LDLRAD4: variants seen among roughly 807,000 people sequenced by gnomAD.
The protein encoded by LDLRAD4 is low-density lipoprotein receptor class A domain-containing protein 4.
A neutral mutation model predicts 17.0 loss-of-function variants in LDLRAD4; 5 were observed. The observed-to-expected ratio is 0.29, with a 90% CI of 0.15 to 0.62. The LOEUF is 0.62. Among genes scored for constraint, LDLRAD4 ranks in the 20% least tolerant of loss-of-function variants. The pLI is 0.84. For missense variants in LDLRAD4, 340 were observed against 424.7 expected, an observed-to-expected ratio of 0.80 and a Z score of 1.75; for synonymous variants, 168 against 171.8, an observed-to-expected ratio of 0.98 and a Z score of 0.17.
chr18:13,537,189 T>A (rs1056674101), intron 3 of LDLRAD4, among the ~76,000 whole-genome samples: 1 of 152,240 alleles, frequency 6.6e-6, no homozygotes, highest in South Asian at 2.1e-4. Context: ...ATAATTTGCA[T>A]AAGGTGGTAT....
At chr18:13,347,605 T>C (rs1031639026) in intron 1 of LDLRAD4, among the ~76,000 whole-genome samples, 288 of 152,334 alleles carry the variant, frequency 1.9e-3, no homozygotes, top group African/African-American at 6.5e-3. Context: ...TTTCCTGAAT[T>C]TGAATGTTGG....
exon 6 of LDLRAD4, chr18:13,650,980 A>T (rs2043222784): frequency 1.3e-5 from 2 of 152,204 alleles, no homozygotes; most frequent in African/African-American, 4.8e-5. Context: ...AATACTTTTT[A>T]AAAAATCCCA....
chr18:13,318,068 C>T (rs959785037), intron 1 of LDLRAD4, among the ~76,000 whole-genome samples: 2 of 152,046 alleles, frequency 1.3e-5, no homozygotes, highest in Admixed American at 6.5e-5. Context: ...GCCACTCGTC[C>T]GGTCCCTCGC....
At chr18:13,401,553 C>T (rs929517443) in intron 2 of LDLRAD4, among the ~76,000 whole-genome samples, 10 of 152,094 alleles carry the variant, frequency 6.6e-5, no homozygotes, top group East Asian at 5.8e-4. Context: ...TGTGCGTCCC[C>T]GAGGCCCTGG....
intron 3 of LDLRAD4, among the ~76,000 whole-genome samples, chr18:13,558,864 T>C (rs929537925): frequency 2.0e-5 from 3 of 152,026 alleles, no homozygotes; most frequent in Admixed American, 2.0e-4. Flanking sequence ...TACATAACCT[T>C]GAATTCTCCC....
chr18:13,387,475 C>G (rs775686974), exon 2 of LDLRAD4: 1 of 433,468 alleles, frequency 2.3e-6, no homozygotes, highest in East Asian at 4.8e-5. Context: ...CCCCTCCACC[C>G]GCGCCATGGC....
intron 1 of LDLRAD4, among the ~76,000 whole-genome samples, chr18:13,353,901 G>T (rs1219800635): frequency 6.6e-6 from 1 of 152,218 alleles, no homozygotes; most frequent in Non-Finnish European, 1.5e-5. Flanking sequence ...AATGTAGCTA[G>T]TCTCTAGTTG....
intron 3 of LDLRAD4, among the ~76,000 whole-genome samples, chr18:13,532,512 AT>A (rs35060332): frequency 0.87 from 132,943 of 152,126 alleles, 58,481 homozygotes; most frequent in Non-Finnish European, 0.93. Context: ...TGTCTTCCAC[AT>A]TTTCCTAAAG....
Position 13,486,422 on chromosome 18 carries a change from G to A in LDLRAD4, c.181+48038G>A, listed in dbSNP as rs2093224136. ...AGCCATCTGGAAAGGTTACCAATGA[G>A]TTTTGTCACATGTATAGATAGTGCA... On this transcript the variant is annotated intron_variant, in intron 3 of 5. Coordinates refer to ENST00000359446, the Ensembl canonical transcript of LDLRAD4. 3 of 152,228 alleles carry A rather than the reference G, an allele frequency of 2.0e-5. No homozygotes were observed. The South Asian group carries it at 6.2e-4, about 31-fold the overall frequency. The allele number at this position is 152,228 out of a possible 1,614,324, so 9.4% of individuals were successfully genotyped here.
intron 3 of LDLRAD4, among the ~76,000 whole-genome samples, chr18:13,581,830 TTG>T (rs144056444): frequency 1.3e-5 from 2 of 151,874 alleles, no homozygotes; most frequent in Non-Finnish European, 2.9e-5. Flanking sequence ...ATGCATGAGC[TTG>T]TGTGTGTGTG....
At chr18:13,642,722 T>C (rs12326169) in intron 4 of LDLRAD4, 742,837 of 1,230,276 alleles carry the variant, frequency 0.6, 231,385 homozygotes, top group East Asian at 0.82. Context: ...CTGAATGCGG[T>C]TGGACAGTCA....
chr18:13,424,984 A>G (rs190706192), intron 2 of LDLRAD4, among the ~76,000 whole-genome samples: 137 of 152,332 alleles, frequency 9.0e-4, no homozygotes, highest in Non-Finnish European at 1.2e-3. Context: ...TATCATCCAG[A>G]GATAACAGTT....
At chr18:13,371,311 G>T (rs1174057970) in intron 1 of LDLRAD4, among the ~76,000 whole-genome samples, 2 of 152,188 alleles carry the variant, frequency 1.3e-5, no homozygotes, top group African/African-American at 4.8e-5. Context: ...TCTAAGAATG[G>T]GGGGCTGCCC....
intron 2 of LDLRAD4, among the ~76,000 whole-genome samples, chr18:13,431,679 A>G (rs1442874888): frequency 6.6e-6 from 1 of 152,152 alleles, no homozygotes; most frequent in Non-Finnish European, 1.5e-5. Context: ...CATAAAATGG[A>G]TTGAGTTTTT....
rs189027748 is a variant in LDLRAD4, at chr18:13,220,725, C to T, written c.-467+1737C>T. Among the ~76,000 whole-genome samples the T allele has an allele frequency of 1.5e-3, 233 of 152,338 alleles. 2 individuals carry two copies. The highest frequency in any genetic ancestry group is 5.4e-3 in the African/African-American group (223 of 41,572). On this transcript the variant is annotated intron_variant, in intron 1 of 5. Coordinates refer to the LDLRAD4 transcript ENST00000399848. ...CTGTAGTCTTGGTTGACTTAGCAGC[C>T]TGGCAGACCAGCCTCATAGCTCCTG...
intron 3 of LDLRAD4, among the ~76,000 whole-genome samples, chr18:13,549,528 A>G (rs1364819758): frequency 6.6e-6 from 1 of 151,944 alleles, no homozygotes. Context: ...TAATGGGAGA[A>G]CAGATCTATA....
chr18:13,430,935 G>A (rs970814028), intron 2 of LDLRAD4, among the ~76,000 whole-genome samples: 3 of 152,212 alleles, frequency 2.0e-5, no homozygotes. Context: ...GAAAGGAAAG[G>A]AAATGTGTCT....
chr18:13,495,108 C>T lies in LDLRAD4; in HGVS notation c.181+56724C>T, dbSNP rs899213722. Among the ~76,000 whole-genome samples the T allele has an allele frequency of 1.4e-4, 22 of 152,180 alleles. 1 individual carries two copies. Among genetic ancestry groups the T allele is most frequent in the Admixed American group, 1.4e-3 (21 of 15,288 alleles). Reference sequence around the variant, plus strand: ...TCTGAGAAAATGACCTCTGAATATACATATATGGGACTATTCAGAAGGGCT... The same window carrying T: ...TCTGAGAAAATGACCTCTGAATATATATATATGGGACTATTCAGAAGGGCT... On this transcript the variant is annotated intron_variant, in intron 3 of 5. Transcript: ENST00000359446.
intron 3 of LDLRAD4, among the ~76,000 whole-genome samples, chr18:13,455,139 T>C (rs142618451): frequency 6.6e-6 from 1 of 152,202 alleles, no homozygotes; most frequent in Non-Finnish European, 1.5e-5. Flanking sequence ...GCACCAGGTG[T>C]CCTGGCACCA....
Sources: allele counts gnomAD v4.1 joint callset (sites outside exome capture counted in the v4.1 genomes callset), GRCh38; gene constraint gnomAD v4.1.1; transcripts MANE v1.5; gene names NCBI Gene and HGNC (gene_info 2026-07-23, HGNC 2026-07-21).